The following ZNF236 variants were observed in gnomAD, a reference collection of about 807,000 sequenced individuals.
ZNF236 encodes the protein zinc finger protein 236.
A neutral mutation model predicts 191.2 loss-of-function variants in ZNF236; 50 were observed. The observed-to-expected ratio is 0.26, with a 90% CI of 0.21 to 0.33. The LOEUF (loss-of-function observed/expected upper bound fraction) is 0.33. ZNF236 is among the 10% of genes least tolerant of loss of function. The pLI is 1.00. For missense variants in ZNF236, 1,754 were observed against 2,374.5 expected (o/e 0.74, Z 5.43); for synonymous variants, 907 against 928.8 (o/e 0.98, Z 0.43).
chr18:76,877,235 G>A (rs935992570), intron 6 of ZNF236, among the ~76,000 whole-genome samples: 1 of 152,188 alleles, frequency 6.6e-6, no homozygotes, highest in Non-Finnish European at 1.5e-5. Context: ...TAGGCCAGGT[G>A]TGGTGGCTCA....
chr18:76,833,293 A>G (rs1975225338), intron 1 of ZNF236, among the ~76,000 whole-genome samples: 1 of 152,144 alleles, frequency 6.6e-6, no homozygotes, highest in Non-Finnish European at 1.5e-5. Flanking sequence ...CAACTGCAGG[A>G]GGAAAATTAT....
At chr18:76,866,297 C>T (rs970772011) in intron 3 of ZNF236, among the ~76,000 whole-genome samples, 37 of 152,056 alleles carry the variant, frequency 2.4e-4, no homozygotes, top group African/African-American at 7.7e-4. Context: ...GGAAGAGCAG[C>T]GTTTTGTGGG....
intron 1 of ZNF236, among the ~76,000 whole-genome samples, chr18:76,846,716 T>C (rs938168707): frequency 1.7e-4 from 26 of 152,342 alleles, no homozygotes; most frequent in African/African-American, 6.0e-4. Context: ...TTTTTTGAGT[T>C]TGTTAACGTG....
At position 76,865,535 on chromosome 18, in the gene ZNF236, G is replaced by A. The variant is rs1345594462; in HGVS notation, c.364-3150G>A. ...ACATTCAGAGAGCCTTCTGAAGAAA[G>A]CCACTTCGTTTGGTAGAAAGTGCAG... On this transcript the variant is annotated intron_variant, in intron 3 of 30. Coordinates refer to ENST00000320610, the MANE Select transcript of ZNF236 (RefSeq NM_001306089.2). Among the ~76,000 whole-genome samples the A allele has an allele frequency of 2.6e-5, 4 of 152,184 alleles. No individual in the cohort carries two copies. The East Asian group carries it at 7.7e-4, about 29-fold the overall frequency.
intron 25 of ZNF236, chr18:76,936,503 T>C (rs148191706): frequency 2.0e-4 from 85 of 435,676 alleles, no homozygotes; most frequent in African/African-American, 1.5e-3. Flanking sequence ...AGGGGAGATA[T>C]TTCAGTTTTG....
chr18:76,856,340 G>A (rs1032779583), intron 3 of ZNF236, among the ~76,000 whole-genome samples: 1 of 151,992 alleles, frequency 6.6e-6, no homozygotes, highest in Non-Finnish European at 1.5e-5. Flanking sequence ...CTGCCACCAC[G>A]CCTGGCTCAT....
At chr18:76,888,154 A>C (rs1278285323) in intron 9 of ZNF236, 1 of 152,132 alleles carries the variant, frequency 6.6e-6, no homozygotes, top group African/African-American at 2.4e-5. Context: ...GGTGGATCAC[A>C]AGATCAGGAG....
chr18:76,956,820 G>C (rs559834781), intron 28 of ZNF236, among the ~76,000 whole-genome samples: 45 of 152,296 alleles, frequency 3.0e-4, no homozygotes, highest in Admixed American at 1.3e-3. Flanking sequence ...GCCGTCTTCC[G>C]TGTGAAGGGA....
At chr18:76,926,654 G>A (rs911310508) in intron 22 of ZNF236, among the ~76,000 whole-genome samples, 1 of 148,434 alleles carries the variant, frequency 6.7e-6, no homozygotes, top group African/African-American at 2.5e-5. Context: ...GGTATAAAGG[G>A]TGATTAGACT....
intron 26 of ZNF236, among the ~76,000 whole-genome samples, chr18:76,939,180 A>C (rs1437981429): frequency 2.0e-5 from 3 of 152,222 alleles, no homozygotes; most frequent in Admixed American, 6.5e-5. Flanking sequence ...TAAAAATACA[A>C]AAATTAGCCA....
At chr18:76,872,075 C>A (rs1385495083) in intron 5 of ZNF236, among the ~76,000 whole-genome samples, 1 of 152,180 alleles carries the variant, frequency 6.6e-6, no homozygotes. Flanking sequence ...GTGCTTGATA[C>A]ATGGTAGGCT....
In ZNF236 at chr18:76,960,063, G is replaced by A. The variant is rs745308735; in HGVS notation, c.5242+247G>A. 1.3e-5 allele frequency among the ~76,000 whole-genome samples: 2 copies of A among 152,168 alleles called. No individual in the cohort carries two copies. Among genetic ancestry groups the A allele is most frequent in the Admixed American group, 6.5e-5 (1 of 15,274 alleles). Reference sequence around the variant, plus strand: ...AAGCATCAGGCAAGCCTCCCGTGCCGTGTCTGGGATGTTGACCATGTCACG... The same window carrying A: ...AAGCATCAGGCAAGCCTCCCGTGCCATGTCTGGGATGTTGACCATGTCACG... On this transcript the variant is annotated intron_variant, in intron 29 of 30. Coordinates refer to ENST00000320610, the MANE Select transcript of ZNF236 (RefSeq NM_001306089.2). This position sits in a 1 kb window ranked among gnomAD's most constrained non-coding sequence, Gnocchi z 4.4.
Position 76,972,634 on chromosome 18 carries a change from C to T in ZNF236, c.*4295C>T, listed in dbSNP as rs73492917. Among the ~76,000 whole-genome samples the T allele has an allele frequency of 0.02, 3,090 of 152,246 alleles. 114 individuals are homozygous for T. The highest frequency in any genetic ancestry group is 0.069 in the African/African-American group (2,864 of 41,520). The stretch of plus-strand genomic sequence containing the variant: ...TGTGTAACACTTTACAGCATGAAGA[C>T]GTATTCTATCAATATTTGTATCATA... On this transcript the variant is annotated 3_prime_UTR_variant, in exon 31 of 31. Coordinates refer to ENST00000320610, the MANE Select transcript of ZNF236 (RefSeq NM_001306089.2).
In ZNF236 at chr18:76,968,279, C is replaced by G. The variant is rs765250218; in HGVS notation, c.5484C>G (p.His1828Gln). 1 of 1,611,316 alleles carries G rather than the reference C, an allele frequency of 6.2e-7. No individual in the cohort carries two copies. Among genetic ancestry groups the G allele is most frequent in the South Asian group, 1.1e-5 (1 of 90,348 alleles). ...GGGAGGAGCTGAGCCGGACCCTCCA[C>G]CTGGAGGAGGTGGTGCAGGAGGCCG... ...QDGEELSRTL[H>Q]LEEVVQEAAG... Residue 1828 changes from histidine to glutamine, a missense_variant, in exon 31 of 31, where the codon CAC becomes CAG. By Grantham distance (24) the His-to-Gln change is conservative (BLOSUM62 0). Transcript: ENST00000320610.
chr18:76,874,475 G>C (rs896721692), intron 5 of ZNF236, among the ~76,000 whole-genome samples: 1 of 152,038 alleles, frequency 6.6e-6, no homozygotes, highest in African/African-American at 2.4e-5. Flanking sequence ...CCCTGTTCTA[G>C]GTGCTGAAGA....
chr18:76,909,864 C>T (rs539346323), intron 14 of ZNF236, among the ~76,000 whole-genome samples: 27 of 152,160 alleles, frequency 1.8e-4, no homozygotes, highest in African/African-American at 4.3e-4. Flanking sequence ...TTCAGACAGA[C>T]GCTAAAGGCT....
intron 11 of ZNF236, 41 bp downstream of exon 11, chr18:76,899,263 C>T (rs1428777808): frequency 6.5e-7 from 1 of 1,542,430 alleles, no homozygotes; most frequent in Non-Finnish European, 8.9e-7. Context: ...TTATTGAGTA[C>T]TATTTTCTTT....
chr18:76,932,280 G>A (rs1178150359), intron 25 of ZNF236, among the ~76,000 whole-genome samples: 1 of 152,144 alleles, frequency 6.6e-6, no homozygotes, highest in Non-Finnish European at 1.5e-5. Flanking sequence ...TTCTCCCAAC[G>A]CCAGCCACTC....
intron 1 of ZNF236, among the ~76,000 whole-genome samples, chr18:76,832,301 C>CA (rs1975193330): frequency 6.6e-6 from 1 of 152,082 alleles, no homozygotes; most frequent in African/African-American, 2.4e-5. Context: ...GGCTGGCCTC[C>CA]AACTCCTCGC....
Sources: allele counts gnomAD v4.1 joint callset (sites outside exome capture counted in the v4.1 genomes callset), GRCh38; gene constraint gnomAD v4.1.1; non-coding constraint Gnocchi (gnomAD v3.1); transcripts MANE v1.5; gene names NCBI Gene and HGNC (gene_info 2026-07-23, HGNC 2026-07-21).